Variants in TMEM223 observed in about 807,000 individuals in gnomAD.
The protein encoded by TMEM223 is transmembrane protein 223.
A neutral mutation model predicts 14.1 loss-of-function variants in TMEM223; 14 were observed. That is an observed-to-expected ratio of 0.99 (90% confidence interval 0.66 to 1.55). The LOEUF is 1.55. Ranked by LOEUF, TMEM223 falls within the 40% of genes most tolerant of loss-of-function variation. TMEM223 has a pLI of 0.00. For missense variants in TMEM223, 346 were observed against 269.9 expected (o/e 1.28, Z -1.97); for synonymous variants, 145 against 120.5 (o/e 1.20, Z -1.33).
downstream of TMEM223, chr11:62,787,505 CCGCGGCGAT>C: frequency 6.3e-7 from 1 of 1,576,944 alleles, no homozygotes; most frequent in Non-Finnish European, 8.5e-7. Context: ...GCCGTGGCGG[CCGCGGCGAT>C]GACTCGGACC....
At chr11:62,776,976 G>A (rs1056661537) in intron 1 of TMEM223, among the ~76,000 whole-genome samples, 1 of 151,820 alleles carries the variant, frequency 6.6e-6, no homozygotes, top group Non-Finnish European at 1.5e-5. Flanking sequence ...GTGAAACCTC[G>A]TTTCTACTAA....
At chr11:62,787,734 C>G, downstream of TMEM223, 2 of 698,986 alleles carry the variant, frequency 2.9e-6, no homozygotes, top group Non-Finnish European at 4.8e-6. Flanking sequence ...GAAGTTGTCC[C>G]CTCGCCAAAG....
chr11:62,777,844 C>G (rs111370542), intron 1 of TMEM223: 12,168 of 1,094,766 alleles, frequency 0.011, 104 homozygotes, highest in Non-Finnish European at 0.014. Context: ...CCCAGGCTTC[C>G]ACCACTTTTC....
downstream of TMEM223, chr11:62,787,594 TC>T (rs2084302205): frequency 1.7e-5 from 25 of 1,441,690 alleles, no homozygotes; most frequent in South Asian, 3.4e-4. Flanking sequence ...GAGGCCACTT[TC>T]GCTTTCCGAC....
downstream of TMEM223, among the ~76,000 whole-genome samples, chr11:62,788,325 C>T (rs909707313): frequency 6.6e-6 from 1 of 152,082 alleles, no homozygotes; most frequent in East Asian, 1.9e-4. Flanking sequence ...ATCGCTTGAA[C>T]CTGGGAGGCG....
intron 2 of TMEM223, among the ~76,000 whole-genome samples, chr11:62,774,367 C>T (rs1382403785): frequency 2.0e-5 from 3 of 152,198 alleles, no homozygotes; most frequent in African/African-American, 4.8e-5. Context: ...TGAGCCACCG[C>T]GCCCGGCCCA....
chr11:62,789,877 C>A, downstream of TMEM223: 1 of 1,611,716 alleles, frequency 6.2e-7, no homozygotes, highest in Non-Finnish European at 8.5e-7. Flanking sequence ...CTGTCCCTGT[C>A]TCCTACAGAC....
At chr11:62,775,241 T>A (rs1271159344) in intron 1 of TMEM223, among the ~76,000 whole-genome samples, 3 of 152,152 alleles carry the variant, frequency 2.0e-5, no homozygotes, top group Non-Finnish European at 4.4e-5. Context: ...AAGCTCTTTA[T>A]AAAACCATTA....
chr11:62,786,646 T>C, downstream of TMEM223: 1 of 1,604,456 alleles, frequency 6.2e-7, no homozygotes. Context: ...AGAGTCGTCC[T>C]CCGGGGGCGG....
chr11:62,785,346 C>T (rs752668296), downstream of TMEM223, among the ~76,000 whole-genome samples: 13 of 150,184 alleles, frequency 8.7e-5, no homozygotes, highest in Non-Finnish European at 1.9e-4. Flanking sequence ...CGCTCACCAC[C>T]ATACCTGGCT....
downstream of TMEM223, chr11:62,782,810 T>C (rs1291888930): frequency 6.2e-7 from 1 of 1,613,930 alleles, no homozygotes; most frequent in Non-Finnish European, 8.5e-7. Context: ...TGGGGCTGCA[T>C]GCTCTTGGCT....
At chr11:62,778,721 T>G (rs2084205045) in intron 1 of TMEM223, 1 of 712,206 alleles carries the variant, frequency 1.4e-6, no homozygotes, top group East Asian at 2.5e-5. Flanking sequence ...CTGAGCAGGC[T>G]CTAAGAGCAG....
Position 62,790,719 on chromosome 11 carries a change from G to A in TMEM223, c.513C>T (p.Val171=). 2 of 1,611,578 alleles carry A rather than the reference G, an allele frequency of 1.2e-6. No individual in the cohort carries two copies. The highest frequency in any genetic ancestry group is 8.5e-7 in the Non-Finnish European group (1 of 1,178,802). Reference sequence around the variant, plus strand: ...AGAGGAAATAGAAGCGTCGGCCTTTGACTTTCAGAGGTAGCATGGCAGGGA... The same window carrying A: ...AGAGGAAATAGAAGCGTCGGCCTTTAACTTTCAGAGGTAGCATGGCAGGGA... The part of the protein sequence containing the change: ...GEVPAMLPLK[V]KGRRFYFLLD... The change falls in exon 2 of 2, where the codon GTC becomes GTT. Residue 171 remains valine (V), a synonymous_variant. Transcript: ENST00000307366.
chr11:62,779,258 G>A (rs978697560), intron 1 of TMEM223, among the ~76,000 whole-genome samples: 4 of 152,188 alleles, frequency 2.6e-5, no homozygotes, highest in South Asian at 2.1e-4. Flanking sequence ...GCAGTGGCGC[G>A]ATCTCGGCTC....
chr11:62,791,709 A>G lies in TMEM223; in HGVS notation c.286T>C (p.Tyr96His). 6.5e-7 allele frequency: 1 copy of G among 1,549,126 alleles called. No individual in the cohort carries two copies. Among genetic ancestry groups the G allele is most frequent in the Non-Finnish European group, 8.7e-7 (1 of 1,146,472 alleles). ...GCGCCGCAGCCGACGGCCAGACCGT[A>G]GCGCCAGAGCGCGGAGCGCAGGTCG... ...PFDLRSALWR[Y>H]GLAVGCGAIG... is the part of the protein sequence containing the mutation. Residue 96 changes from tyrosine to histidine, a missense_variant, in exon 1 of 2, where the codon TAC (tyrosine) becomes CAC (histidine). Transcript: ENST00000307366.
In TMEM223 at chr11:62,791,956, T is replaced by A. The variant is rs770879308; in HGVS notation, c.39A>T (p.Leu13=). 6.3e-7 allele frequency: 1 copy of A among 1,578,762 alleles called. No individual in the cohort carries two copies. The highest frequency in any genetic ancestry group is 8.6e-7 in the Non-Finnish European group (1 of 1,161,652). Residue 13 remains leucine (L), a synonymous_variant, in exon 1 of 2, where the codon CTA becomes CTT. Transcript: ENST00000307366. ...AGGTGAGCAGGGGCCGCAGCACGGC[T>A]AGCAGCCCCGTGGGCCATCGCCTCC... ...APWRRWPTGL[L]AVLRPLLTCR...
chr11:62,782,561 T>TA (rs2084238222), downstream of TMEM223: 1 of 1,361,304 alleles, frequency 7.3e-7, no homozygotes, highest in African/African-American at 1.4e-5. Flanking sequence ...CAGTCACCCC[T>TA]GGCAGCCTTC....
intron 1 of TMEM223, among the ~76,000 whole-genome samples, chr11:62,780,809 C>T (rs1312725974): frequency 1.3e-5 from 2 of 150,330 alleles, no homozygotes; most frequent in Admixed American, 6.7e-5. Flanking sequence ...TGGTGGCATG[C>T]GTCTGTAATC....
chr11:62,784,858 G>C (rs182224407), downstream of TMEM223, among the ~76,000 whole-genome samples: 1 of 152,082 alleles, frequency 6.6e-6, no homozygotes, highest in Non-Finnish European at 1.5e-5. Flanking sequence ...TTTTAAAAGG[G>C]TTTATATTCA....
Sources: gnomAD v4.1 joint callset for allele counts (sites outside exome capture counted in the v4.1 genomes callset) on GRCh38, gnomAD v4.1.1 for gene constraint, MANE v1.5 for transcripts, NCBI Gene and HGNC (gene_info 2026-07-23, HGNC 2026-07-21) for gene names.